Variants in CIMAP1D observed in about 807,000 individuals in gnomAD.
CIMAP1D encodes CIMAP1 family member D, also known as protein CIMAP1D.
the CIMAP1D span, among the ~76,000 whole-genome samples, chr19:478,994 C>A: frequency 6.6e-6 from 1 of 152,214 alleles, no homozygotes; most frequent in African/African-American, 2.4e-5. Context: ...GTGAAACTTA[C>A]GTGAGTGCAG....
At chr19:474,878 C>T in the CIMAP1D span, 5 of 736,718 alleles carry the variant, frequency 6.8e-6, no homozygotes, top group Admixed American at 8.2e-5. Flanking sequence ...CCCACGACCA[C>T]AGCCGCACAG....
chr19:464,205 C>A, the CIMAP1D span: 1 of 1,515,542 alleles, frequency 6.6e-7, no homozygotes, highest in Non-Finnish European at 8.8e-7. Context: ...CTGTGAGCCC[C>A]ACAGAGGGGG....
the CIMAP1D span, among the ~76,000 whole-genome samples, chr19:475,986 AT>A: frequency 0.037 from 1,450 of 38,914 alleles, 18 homozygotes; most frequent in East Asian, 0.12. Flanking sequence ...CGCCTGGCTA[AT>A]TTTTTTTTTT....
At chr19:472,387 G>T in the CIMAP1D span, 3 of 1,515,406 alleles carry the variant, frequency 2.0e-6, no homozygotes, top group Non-Finnish European at 2.7e-6. Context: ...CCACTCGCCC[G>T]CCTTACCCTC....
At chr19:489,703 A>AG in the CIMAP1D span, 9 of 258,816 alleles carry the variant, frequency 3.5e-5, no homozygotes, top group Middle Eastern at 1.1e-3. Flanking sequence ...ATGCCACGTT[A>AG]GGGTTAGTGC....
At chr19:490,266 G>C in the CIMAP1D span, 4 of 288,918 alleles carry the variant, frequency 1.4e-5, no homozygotes, top group Non-Finnish European at 2.5e-5. Flanking sequence ...CGTCACAGTA[G>C]AATCACTTGA....
At chr19:468,916 G>A in the CIMAP1D span, among the ~76,000 whole-genome samples, 185 of 131,302 alleles carry the variant, frequency 1.4e-3, 3 homozygotes, top group Admixed American at 2.4e-3. Context: ...GGCACGCAGC[G>A]TGGCCCAGAC....
At chr19:465,088 T>C in the CIMAP1D span, among the ~76,000 whole-genome samples, 4 of 121,884 alleles carry the variant, frequency 3.3e-5, no homozygotes, top group East Asian at 5.1e-4. Flanking sequence ...GAAGGATGGA[T>C]AGGTGGATGG....
At chr19:480,504 G>T in the CIMAP1D span, among the ~76,000 whole-genome samples, 139 of 110,278 alleles carry the variant, frequency 1.3e-3, no homozygotes, top group South Asian at 0.018. Flanking sequence ...GGATGATGGA[G>T]AAGGATGATG....
the CIMAP1D span, chr19:472,556 G>T: frequency 7.7e-7 from 1 of 1,298,784 alleles, no homozygotes; most frequent in Non-Finnish European, 1.1e-6. Context: ...CGAAGAAGGA[G>T]CCCTGGACCC....
chr19:479,874 G>A, the CIMAP1D span, among the ~76,000 whole-genome samples: 1 of 152,156 alleles, frequency 6.6e-6, no homozygotes, highest in South Asian at 2.1e-4. Flanking sequence ...TCTTCCCCAC[G>A]TTGCCCTTCC....
At chr19:483,329 G>C in the CIMAP1D span, among the ~76,000 whole-genome samples, 1 of 139,400 alleles carries the variant, frequency 7.2e-6, no homozygotes, top group African/African-American at 2.7e-5. Flanking sequence ...CTCTATGTCA[G>C]CCAGAGCCAG....
At chr19:480,818 T>C in the CIMAP1D span, among the ~76,000 whole-genome samples, 1 of 109,118 alleles carries the variant, frequency 9.2e-6, no homozygotes, top group Non-Finnish European at 1.6e-5. Flanking sequence ...GGAAGGATGA[T>C]GGGGAAGGAT....
At chr19:464,359 C>G in the CIMAP1D span, 1 of 1,537,196 alleles carries the variant, frequency 6.5e-7, no homozygotes, top group Non-Finnish European at 8.8e-7. Flanking sequence ...GGCGTCACCT[C>G]CGGACCTGAG....
At chr19:481,097 G>A in the CIMAP1D span, among the ~76,000 whole-genome samples, 1 of 146,476 alleles carries the variant, frequency 6.8e-6, no homozygotes, top group African/African-American at 2.6e-5. Context: ...GAACGATGAT[G>A]GAGAACGATG....
the CIMAP1D span, among the ~76,000 whole-genome samples, chr19:469,604 C>G: frequency 1.4e-4 from 21 of 152,048 alleles, no homozygotes. Context: ...GCAGGAGAAT[C>G]ACTTGAACCC....
chr19:489,024 G>A, the CIMAP1D span, among the ~76,000 whole-genome samples: 2 of 152,068 alleles, frequency 1.3e-5, no homozygotes, highest in African/African-American at 4.8e-5. Context: ...GAGCGGCCCC[G>A]CCAGCGCGCA....
At chr19:483,991 C>T in the CIMAP1D span, among the ~76,000 whole-genome samples, 1 of 152,188 alleles carries the variant, frequency 6.6e-6, no homozygotes, top group East Asian at 1.9e-4. Flanking sequence ...CCATCACTCA[C>T]TTCTGTTGCT....
At chr19:485,737 C>T in the CIMAP1D span, among the ~76,000 whole-genome samples, 3 of 152,216 alleles carry the variant, frequency 2.0e-5, no homozygotes, top group Admixed American at 6.5e-5. Flanking sequence ...TGGGAGGCAG[C>T]TCCCAGGAGG....
Sources: allele counts gnomAD v4.1 joint callset (sites outside exome capture counted in the v4.1 genomes callset), GRCh38; gene constraint gnomAD v4.1.1; transcripts MANE v1.5; gene names NCBI Gene and HGNC (gene_info 2026-07-23, HGNC 2026-07-21).